The following BUD13 variants were observed in gnomAD, a reference collection of about 807,000 sequenced individuals.
The protein encoded by BUD13 is BUD13 homolog.
Under a neutral mutation model 62.5 loss-of-function variants are expected in BUD13, and 47 were observed. The ratio of observed to expected loss-of-function variants is 0.75; its 90% CI spans 0.60 to 0.96. BUD13 has a LOEUF of 0.96. Ranked by LOEUF, BUD13 falls within the 40% of genes least tolerant of loss-of-function variation. BUD13 has a pLI of 0.00. For synonymous variants in BUD13, 293 were observed against 280.1 expected (o/e 1.05, Z -0.46); for missense variants, 821 against 790.9 (o/e 1.04, Z -0.46).
At chr11:116,758,583 CT>C (rs397687372) in intron 6 of BUD13, among the ~76,000 whole-genome samples, 176 bp from the exon 7 acceptor site, 5,735 of 116,608 alleles carry the variant, frequency 0.049, 57 homozygotes, top group Middle Eastern at 0.082. Flanking sequence ...TGGCATTTTC[CT>C]TTTTTTTTTT....
In BUD13 at chr11:116,758,296, T is replaced by C; in HGVS notation, c.1472A>G (p.Asp491Gly). Residue 491 changes from aspartate (D) to glycine (G), a missense_variant, in exon 7 of 10, where the codon GAT becomes GGT. Asp to Gly is a moderately conservative substitution (Grantham distance 94). Around this residue, in one of 2 missense-constraint regions of BUD13, gnomAD observed 800 missense variants for 739.2 expected, o/e 1.08. Coordinates refer to ENST00000260210, the MANE Select transcript of BUD13 (RefSeq NM_032725.4). ...TTTTCCCCACTGGGCATACAGCTCA[T>C]CTCTCTCTGAGTCCTTTTCTGCTTT... ...RRKAEKDSERDELYAQWGKGL... is the reference protein window; with the variant it reads ...RRKAEKDSERGELYAQWGKGL... 1 of 1,614,192 alleles carries C rather than the reference T, an allele frequency of 6.2e-7. No individual in the cohort carries two copies. The highest frequency in any genetic ancestry group is 8.5e-7 in the Non-Finnish European group (1 of 1,180,030).
intron 5 of BUD13, among the ~76,000 whole-genome samples, chr11:116,759,497 A>C (rs1393845079): frequency 6.6e-6 from 1 of 152,220 alleles, no homozygotes; most frequent in Non-Finnish European, 1.5e-5. Flanking sequence ...ACCAGTATAA[A>C]GCACTAAGCC....
intron 3 of BUD13, among the ~76,000 whole-genome samples, chr11:116,763,876 G>T (rs1033204322): frequency 6.6e-6 from 1 of 152,192 alleles, no homozygotes; most frequent in African/African-American, 2.4e-5. Flanking sequence ...CCATAAAAAA[G>T]AAAGGAGCAA....
chr11:116,758,556 G>T lies in BUD13; in HGVS notation c.1361-149C>A, dbSNP rs187633216. The T allele has an allele frequency of 4.5e-4, 327 of 725,316 alleles. 1 individual carries two copies. The highest frequency in any genetic ancestry group is 2.8e-3 in the Admixed American group (88 of 31,378). 44.9% of individuals were successfully genotyped at this position (725,316 alleles called of 1,614,324 possible). A position where few individuals can be genotyped will look rare whatever the true frequency, so the allele number is the denominator to read the frequency against. The stretch of plus-strand genomic sequence containing the variant: ...CCTACCAACATCTTGGTGCATATTG[G>T]CACTGGGCCCAAGAAATGGCATTTT... On this transcript the variant is annotated intron_variant, in intron 6 of 9. Coordinates refer to ENST00000260210, the MANE Select transcript of BUD13 (RefSeq NM_032725.4).
rs140760922 is a variant in BUD13, at chr11:116,753,895, G to C, written c.1766+3251C>G. Among the ~76,000 whole-genome samples, 923 of 152,246 alleles carry C rather than the reference G, an allele frequency of 6.1e-3. 9 individuals carry two copies. The highest frequency in any genetic ancestry group is 6.5e-3 in the Non-Finnish European group (445 of 68,014). ...ACAAACACAAAAAACCCAGAATACAGGCGATCTAAGATCTAAACACCTTGA... is the reference window on the plus strand; with the variant it reads ...ACAAACACAAAAAACCCAGAATACACGCGATCTAAGATCTAAACACCTTGA... On this transcript the variant is annotated intron_variant, in intron 9 of 9. Transcript: ENST00000260210.
At chr11:116,755,616 T>G (rs1301824619) in intron 9 of BUD13, among the ~76,000 whole-genome samples, 4 of 152,214 alleles carry the variant, frequency 2.6e-5, no homozygotes, top group Non-Finnish European at 4.4e-5. Context: ...GGCTAAATTT[T>G]CTTTCTATAC....
chr11:116,757,500 T>A (rs1940349758), intron 8 of BUD13, among the ~76,000 whole-genome samples: 1 of 151,560 alleles, frequency 6.6e-6, no homozygotes. Context: ...GAGATGGGGT[T>A]TCACCATGTT....
At chr11:116,762,451 T>A in intron 4 of BUD13, 102 bp downstream of exon 4, 1 of 1,067,012 alleles carries the variant, frequency 9.4e-7, no homozygotes, top group Non-Finnish European at 1.3e-6. Context: ...TTCAAAACTT[T>A]CCCAAAGAAA....
intron 9 of BUD13, among the ~76,000 whole-genome samples, chr11:116,756,181 G>C (rs1591296735): frequency 2.0e-5 from 3 of 151,974 alleles, no homozygotes; most frequent in Admixed American, 2.0e-4. Context: ...AACAGAGCAA[G>C]ACTCTGCCTC....
chr11:116,770,261 G>A (rs1199505766), intron 1 of BUD13, 39 bp from the exon 2 acceptor site: 2 of 1,533,926 alleles, frequency 1.3e-6, no homozygotes, highest in African/African-American at 2.8e-5. Context: ...GTCATTCTAG[G>A]ATACCAGCAT....
intron 1 of BUD13, among the ~76,000 whole-genome samples, 185 bp from the exon 2 acceptor site, chr11:116,770,407 G>C (rs1247620532): frequency 2.6e-5 from 4 of 152,176 alleles, no homozygotes; most frequent in Admixed American, 2.0e-4. Flanking sequence ...GTCATCCTTT[G>C]GTGCTTAGAA....
intron 4 of BUD13, 52 bp from the exon 5 acceptor site, chr11:116,761,004 C>T: frequency 4.1e-6 from 6 of 1,448,372 alleles, no homozygotes; most frequent in Non-Finnish European, 5.8e-6. Context: ...AGGTGAAGAA[C>T]TTACATGAAA....
chr11:116,748,441 C>CCCACTACCACAGCCCAG lies in BUD13; in HGVS notation c.*24_*40dup. 1 of 1,564,554 alleles carries CCCACTACCACAGCCCAG rather than the reference C, an allele frequency of 6.4e-7. No individual in the cohort carries two copies. The highest frequency in any genetic ancestry group is 8.8e-7 in the Non-Finnish European group (1 of 1,135,130). ...ACCACTGGATATCTCGCTGCCTATG[C>CCCACTACCACAGCCCAG]CCACTACCACAGCCCAGCCACCCCC... On this transcript the variant is annotated 3_prime_UTR_variant, in exon 10 of 10. Coordinates refer to ENST00000260210, the MANE Select transcript of BUD13 (RefSeq NM_032725.4).
chr11:116,756,154 T>C (rs1321428040), intron 9 of BUD13, among the ~76,000 whole-genome samples: 2 of 152,002 alleles, frequency 1.3e-5, no homozygotes, highest in Non-Finnish European at 2.9e-5. Context: ...ATTGCACCAC[T>C]GCACTCCAGC....
Position 116,770,234 on chromosome 11 carries a change from T to G in BUD13, c.144-12A>C, listed in dbSNP as rs758022011. 61 of 1,597,264 alleles carry G rather than the reference T, an allele frequency of 3.8e-5. No homozygotes were observed. The Admixed American group carries it at 5.7e-4, about 15-fold the overall frequency. ...CCACAATCCGCATTCTAAATGAGAA[T>G]AAGAAGATCAAAAAGAGTCATTCTA... On this transcript the variant is annotated splice_polypyrimidine_tract_variant and intron_variant, in intron 1 of 9. Transcript: ENST00000260210.
At chr11:116,759,761 T>C (rs1940398176) in intron 5 of BUD13, among the ~76,000 whole-genome samples, 1 of 152,182 alleles carries the variant, frequency 6.6e-6, no homozygotes, top group African/African-American at 2.4e-5. Context: ...ATATATAAAA[T>C]GCCAAGAGGT....
At position 116,772,893 on chromosome 11, in the gene BUD13, G is replaced by A. The variant is rs1441143519; in HGVS notation, c.72C>T (p.Val24=). Residue 24 remains valine (V), a synonymous_variant, in exon 1 of 10, where the codon GTC becomes GTT. Coordinates refer to ENST00000260210, the MANE Select transcript of BUD13 (RefSeq NM_032725.4). The part of the protein sequence containing the change: ...KRYLSGADAG[V]DRGSESGRKR... ...TGCGACCGGACTCAGATCCCCGGTC[G>A]ACGCCGGCATCTGCCCCGGACAAGT... 9.4e-6 allele frequency: 15 copies of A among 1,589,290 alleles called. No homozygotes were observed. Among genetic ancestry groups the A allele is most frequent in the African/African-American group, 1.4e-5 (1 of 73,408 alleles).
chr11:116,772,510 T>C (rs758381997), intron 1 of BUD13, among the ~76,000 whole-genome samples: 12 of 152,314 alleles, frequency 7.9e-5, no homozygotes, highest in Non-Finnish European at 1.3e-4. Flanking sequence ...ATCCGCTCCA[T>C]TATTCTCGAG....
intron 3 of BUD13, among the ~76,000 whole-genome samples, chr11:116,764,271 T>A (rs896919244): frequency 1.3e-5 from 2 of 152,168 alleles, no homozygotes; most frequent in African/African-American, 4.8e-5. Flanking sequence ...AAAAGCTGGG[T>A]AGGAACTGAT....
Sources: gnomAD v4.1 joint callset for allele counts (sites outside exome capture counted in the v4.1 genomes callset) on GRCh38, gnomAD v4.1.1 for gene constraint, gnomAD v4.1.1 regional missense constraint, MANE v1.5 for transcripts, NCBI Gene and HGNC (gene_info 2026-07-23, HGNC 2026-07-21) for gene names.